PTPRD: variants seen among roughly 807,000 people sequenced by gnomAD.
PTPRD encodes protein tyrosine phosphatase receptor type D, also known as receptor-type tyrosine-protein phosphatase delta.
A neutral mutation model predicts 214.5 loss-of-function variants in PTPRD; 34 were observed. The observed-to-expected ratio is 0.16, with a 90% CI of 0.12 to 0.21. The LOEUF (loss-of-function observed/expected upper bound fraction) is 0.21. Ranked by LOEUF, PTPRD falls within the 10% of genes least tolerant of loss-of-function variation. The pLI is 1.00. For synonymous variants in PTPRD, 1,128 were observed against 845.7 expected, an observed-to-expected ratio of 1.33 and a Z score of -5.79; for missense variants, 2,545 against 2,398.7, an observed-to-expected ratio of 1.06 and a Z score of -1.27.
chr9:10,555,325 A>T (rs1243175936), intron 2 of PTPRD, among the ~76,000 whole-genome samples: 4 of 152,248 alleles, frequency 2.6e-5, no homozygotes, highest in Non-Finnish European at 5.9e-5. Context: ...TACAACAAAT[A>T]AAATTCGCAA....
intron 2 of PTPRD, among the ~76,000 whole-genome samples, chr9:10,383,796 G>C (rs760759762): frequency 1.3e-5 from 2 of 151,774 alleles, no homozygotes; most frequent in African/African-American, 2.4e-5. Flanking sequence ...CTAATCATAA[G>C]TTAGCATAAT....
intron 2 of PTPRD, among the ~76,000 whole-genome samples, chr9:10,488,582 C>T (rs901229134): frequency 1.2e-4 from 19 of 152,030 alleles, no homozygotes; most frequent in African/African-American, 4.6e-4. Context: ...TTTGGAGGTG[C>T]TGTCTGGGAG....
chr9:8,508,905 G>GTGTC (rs1445418829), intron 21 of PTPRD, among the ~76,000 whole-genome samples: 1 of 151,554 alleles, frequency 6.6e-6, no homozygotes, highest in Non-Finnish European at 1.5e-5. Context: ...GTGTGTGTGT[G>GTGTC]TGTGTGTGTG....
intron 2 of PTPRD, among the ~76,000 whole-genome samples, chr9:10,540,313 C>T (rs1169470485): frequency 6.6e-6 from 1 of 152,188 alleles, no homozygotes; most frequent in Non-Finnish European, 1.5e-5. Flanking sequence ...CAGGCATGAG[C>T]CACCGGACCC....
intron 7 of PTPRD, among the ~76,000 whole-genome samples, chr9:9,619,047 AT>A (rs775551918): frequency 2.4e-4 from 37 of 152,304 alleles, no homozygotes; most frequent in Middle Eastern, 3.4e-3. Context: ...GAATAAAAAA[AT>A]ATGTGCTTTT....
chr9:9,110,301 C>G (rs1230752715), intron 10 of PTPRD, among the ~76,000 whole-genome samples: 2 of 152,030 alleles, frequency 1.3e-5, no homozygotes, highest in African/African-American at 4.8e-5. Flanking sequence ...AGTCCCCAGA[C>G]CAGCAACTTC....
intron 8 of PTPRD, among the ~76,000 whole-genome samples, chr9:9,438,071 T>G (rs964215177): frequency 1.3e-5 from 2 of 152,190 alleles, no homozygotes; most frequent in Non-Finnish European, 2.9e-5. Flanking sequence ...TCCCTCTGTG[T>G]GCTTCTCTCT....
At chr9:10,089,461 T>G (rs528120873) in intron 3 of PTPRD, among the ~76,000 whole-genome samples, 9 of 151,600 alleles carry the variant, frequency 5.9e-5, no homozygotes, top group Non-Finnish European at 1.0e-4. Context: ...GATTGAATTA[T>G]TGTAGTAATA....
At chr9:9,348,053 C>G (rs938193662) in intron 9 of PTPRD, among the ~76,000 whole-genome samples, 2 of 152,074 alleles carry the variant, frequency 1.3e-5, no homozygotes, top group African/African-American at 2.4e-5. Context: ...TTTAAAAAAG[C>G]AAAATCCAAG....
intron 5 of PTPRD, among the ~76,000 whole-genome samples, chr9:9,888,089 G>C (rs1439895866): frequency 1.3e-5 from 2 of 152,116 alleles, no homozygotes; most frequent in African/African-American, 4.8e-5. Context: ...TGCCTACCCA[G>C]CAGCCATTCC....
At chr9:9,979,575 A>T (rs1300683267) in intron 4 of PTPRD, among the ~76,000 whole-genome samples, 6 of 152,326 alleles carry the variant, frequency 3.9e-5, no homozygotes. Context: ...ATTGTAACAT[A>T]TAAGTAGAAC....
chr9:8,652,870 T>C (rs2096840693), intron 12 of PTPRD, among the ~76,000 whole-genome samples: 1 of 152,162 alleles, frequency 6.6e-6, no homozygotes, highest in African/African-American at 2.4e-5. Flanking sequence ...TCTTAGAGAA[T>C]TAGAAAAGGG....
chr9:8,520,597 A>G (rs2097868310), intron 20 of PTPRD, among the ~76,000 whole-genome samples: 1 of 152,110 alleles, frequency 6.6e-6, no homozygotes, highest in Non-Finnish European at 1.5e-5. Flanking sequence ...AGAATTCTAT[A>G]AACACTAGGG....
intron 4 of PTPRD, among the ~76,000 whole-genome samples, chr9:10,014,484 T>C (rs1193509061): frequency 6.6e-6 from 1 of 152,042 alleles, no homozygotes; most frequent in Non-Finnish European, 1.5e-5. Context: ...CAAATGGTTG[T>C]TTTCTAATGA....
chr9:8,329,250 G>GTTAT (rs1331069888), intron 44 of PTPRD, among the ~76,000 whole-genome samples: 1 of 152,176 alleles, frequency 6.6e-6, no homozygotes, highest in South Asian at 2.1e-4. Context: ...CTGTCTGTTT[G>GTTAT]TTATTTTCCT....
chr9:8,437,368 A>G, intron 34 of PTPRD: 2 of 700,904 alleles, frequency 2.9e-6, no homozygotes, highest in Non-Finnish European at 4.6e-6. Context: ...AGAATTCACT[A>G]TACATTGTGG....
intron 39 of PTPRD, among the ~76,000 whole-genome samples, chr9:8,344,464 CA>C (rs1855622533): frequency 7.2e-6 from 1 of 138,270 alleles, no homozygotes; most frequent in Non-Finnish European, 1.6e-5. Context: ...TTTTTTTTTC[CA>C]AAAAATAAGG....
At chr9:8,332,929 T>A (rs1164275605) in intron 43 of PTPRD, among the ~76,000 whole-genome samples, 1 of 152,202 alleles carries the variant, frequency 6.6e-6, no homozygotes, top group Non-Finnish European at 1.5e-5. Context: ...TTTTTTTAGA[T>A]ACACGTGTGC....
intron 8 of PTPRD, among the ~76,000 whole-genome samples, chr9:9,531,602 G>GT (rs1267227913): frequency 1.3e-5 from 2 of 152,012 alleles, no homozygotes; most frequent in Non-Finnish European, 1.5e-5. Context: ...GTATCTCATT[G>GT]TTTTTATGGC....
Sources: allele counts gnomAD v4.1 joint callset (sites outside exome capture counted in the v4.1 genomes callset), GRCh38; gene constraint gnomAD v4.1.1; transcripts MANE v1.5; gene names NCBI Gene and HGNC (gene_info 2026-07-23, HGNC 2026-07-21).